CACNA2D3: variants seen among roughly 807,000 people sequenced by gnomAD.
The protein encoded by CACNA2D3 is voltage-dependent calcium channel subunit alpha-2/delta-3.
A neutral mutation model predicts 160.6 loss-of-function variants in CACNA2D3; 60 were observed. The ratio of observed to expected loss-of-function variants is 0.37; its 90% CI spans 0.30 to 0.46. The LOEUF (loss-of-function observed/expected upper bound fraction) is 0.46. CACNA2D3 is among the 20% of genes least tolerant of loss of function. The pLI is 1.00. For missense variants in CACNA2D3, 1,205 were observed against 1,365.0 expected (o/e 0.88, Z 1.85); for synonymous variants, 558 against 492.9 (o/e 1.13, Z -1.75).
At chr3:54,795,363 T>G (rs1001566747) in intron 13 of CACNA2D3, among the ~76,000 whole-genome samples, 5 of 152,198 alleles carry the variant, frequency 3.3e-5, no homozygotes, top group African/African-American at 1.2e-4. Context: ...TTTGTGAATT[T>G]TATCATTTCT....
chr3:54,984,783 A>G (rs1310941702), intron 30 of CACNA2D3, 113 bp downstream of exon 30: 7 of 679,042 alleles, frequency 1.0e-5, no homozygotes, highest in East Asian at 2.8e-5. Flanking sequence ...TTAGGAGGTA[A>G]TAGCAGGAGA....
At chr3:54,125,622 G>T (rs1699576834) in intron 2 of CACNA2D3, among the ~76,000 whole-genome samples, 1 of 152,170 alleles carries the variant, frequency 6.6e-6, no homozygotes. Context: ...ACTTGGCAGA[G>T]ACTTTCATAA....
intron 5 of CACNA2D3, among the ~76,000 whole-genome samples, chr3:54,519,683 T>A (rs1424050711): frequency 6.6e-6 from 1 of 152,246 alleles, no homozygotes; most frequent in Non-Finnish European, 1.5e-5. Flanking sequence ...GAAAGAGTCT[T>A]ATCTCCCATT....
intron 11 of CACNA2D3, among the ~76,000 whole-genome samples, chr3:54,701,957 A>G (rs2106948823): frequency 6.6e-6 from 1 of 152,202 alleles, no homozygotes; most frequent in South Asian, 2.1e-4. Context: ...AAAGCCACAC[A>G]CCTACAACCA....
chr3:54,232,439 C>G lies in CACNA2D3; in HGVS notation c.205-88003C>G, dbSNP rs149952837. On this transcript the variant is annotated intron_variant, in intron 2 of 37. Transcript: ENST00000474759. ...CTTATTGTAGGATTACTATACTGGGCCCTGGGCTAAGAACCTCATGTGCAT... is the reference window on the plus strand; with the variant it reads ...CTTATTGTAGGATTACTATACTGGGGCCTGGGCTAAGAACCTCATGTGCAT... Among the ~76,000 whole-genome samples, 435 of 152,244 alleles carry G rather than the reference C, an allele frequency of 2.9e-3. 1 individual carries two copies. The highest frequency in any genetic ancestry group is 4.7e-3 in the Non-Finnish European group (323 of 68,026).
chr3:54,565,282 A>T (rs1292843498), intron 6 of CACNA2D3, among the ~76,000 whole-genome samples: 3 of 152,208 alleles, frequency 2.0e-5, no homozygotes, highest in Admixed American at 6.5e-5. Flanking sequence ...ATCATGGTAC[A>T]GTGCGTTTCA....
chr3:54,808,602 A>G (rs1378110744), intron 13 of CACNA2D3, among the ~76,000 whole-genome samples: 1 of 152,188 alleles, frequency 6.6e-6, no homozygotes, highest in Admixed American at 6.5e-5. Flanking sequence ...GGTAATGTCC[A>G]GATCATGGGG....
intron 28 of CACNA2D3, among the ~76,000 whole-genome samples, chr3:54,969,334 A>G (rs1702222360): frequency 7.0e-6 from 1 of 143,512 alleles, no homozygotes; most frequent in South Asian, 2.2e-4. Context: ...ATCTCGACTC[A>G]CTGCACCCTC....
At chr3:54,976,801 A>G (rs894628202) in intron 29 of CACNA2D3, among the ~76,000 whole-genome samples, 3 of 152,058 alleles carry the variant, frequency 2.0e-5, no homozygotes, top group Non-Finnish European at 4.4e-5. Context: ...TGTTCCTTCC[A>G]CACCAGAAGT....
intron 4 of CACNA2D3, among the ~76,000 whole-genome samples, chr3:54,430,523 A>C (rs1161101853): frequency 6.6e-6 from 1 of 152,202 alleles, no homozygotes; most frequent in East Asian, 1.9e-4. Context: ...TATATCTTTG[A>C]TTAAAGTTTT....
At chr3:54,219,079 A>G (rs1559886023) in intron 2 of CACNA2D3, among the ~76,000 whole-genome samples, 1 of 152,150 alleles carries the variant, frequency 6.6e-6, no homozygotes, top group Non-Finnish European at 1.5e-5. Context: ...AGTGACCCAT[A>G]TTTTCCTGTA....
At chr3:54,848,988 C>T (rs565127757) in intron 17 of CACNA2D3, among the ~76,000 whole-genome samples, 2 of 152,284 alleles carry the variant, frequency 1.3e-5, no homozygotes, top group East Asian at 1.9e-4. Context: ...CCTCAGCTTC[C>T]GTAAAGGTTG....
chr3:54,763,107 G>GAAAAA (rs373554064), intron 12 of CACNA2D3, among the ~76,000 whole-genome samples: 9 of 142,214 alleles, frequency 6.3e-5, no homozygotes, highest in Middle Eastern at 3.6e-3. Flanking sequence ...AAAAAAGAAA[G>GAAAAA]AAAAAGAAAT....
At chr3:54,598,237 G>C (rs1219251600) in intron 9 of CACNA2D3, among the ~76,000 whole-genome samples, 2 of 146,866 alleles carry the variant, frequency 1.4e-5, no homozygotes, top group Non-Finnish European at 3.0e-5. Context: ...GAACCTGGGA[G>C]GCGGAGGTTG....
chr3:54,910,723 G>A (rs1403290810), intron 27 of CACNA2D3, among the ~76,000 whole-genome samples: 1 of 152,104 alleles, frequency 6.6e-6, no homozygotes, highest in Non-Finnish European at 1.5e-5. Context: ...TGCCTATTCA[G>A]TGTCTCTACT....
intron 9 of CACNA2D3, chr3:54,626,341 C>T (rs1243493516): frequency 2.9e-5 from 45 of 1,555,290 alleles, no homozygotes; most frequent in Non-Finnish European, 3.7e-5. Flanking sequence ...CCAGCAGCGG[C>T]GGCTGAACCG....
intron 4 of CACNA2D3, among the ~76,000 whole-genome samples, chr3:54,402,124 G>A (rs1267331036): frequency 3.9e-5 from 6 of 152,046 alleles, no homozygotes; most frequent in African/African-American, 1.2e-4. Context: ...AAAACCTATA[G>A]CATATATACC....
chr3:54,923,876 G>T (rs926606391), intron 27 of CACNA2D3, among the ~76,000 whole-genome samples: 1 of 152,164 alleles, frequency 6.6e-6, no homozygotes, highest in African/African-American at 2.4e-5. Context: ...AGACAATACA[G>T]CCCCTGTCAC....
chr3:54,320,447 CAAAGAGTATGAG>C lies in CACNA2D3; in HGVS notation c.216_227del (p.Glu72_Lys75del). The C allele has an allele frequency of 6.6e-7, 1 of 1,517,008 alleles. No individual in the cohort carries two copies. Among genetic ancestry groups the C allele is most frequent in the African/African-American group, 1.4e-5 (1 of 72,314 alleles). The allele number at this position is 1,517,008 out of a possible 1,614,324, so 94.0% of individuals were successfully genotyped here. A position where few individuals can be genotyped will look rare whatever the true frequency, so the allele number is the denominator to read the frequency against. ...GTTGCCCTCTCTTCTTACAGAAATACAAAGAGTATGAGAAAGACGTTGCCATAGAAGAAATTG... is the reference window on the plus strand; with the variant it reads ...GTTGCCCTCTCTTCTTACAGAAATACAAAGACGTTGCCATAGAAGAAATTG... On this transcript the variant is annotated inframe_deletion, in exon 3 of 38. Transcript: ENST00000474759.
Sources: gnomAD v4.1 joint callset for allele counts (sites outside exome capture counted in the v4.1 genomes callset) on GRCh38, gnomAD v4.1.1 for gene constraint, MANE v1.5 for transcripts, NCBI Gene and HGNC (gene_info 2026-07-23, HGNC 2026-07-21) for gene names.